The following KCNH7 variants were observed in gnomAD, a reference collection of about 807,000 sequenced individuals.
The protein encoded by KCNH7 is potassium voltage-gated channel subfamily H member 7, also known as voltage-gated inwardly rectifying potassium channel KCNH7.
In KCNH7, 49 loss-of-function variants were observed where a neutral mutation model predicts 120.8. That is an observed-to-expected ratio of 0.41 (90% CI 0.32 to 0.51). KCNH7 has a LOEUF of 0.51. KCNH7 is among the 20% of genes least tolerant of loss of function. The pLI, the probability that KCNH7 is intolerant of heterozygous loss-of-function variation, is 0.38. For synonymous variants in KCNH7, 547 were observed against 516.1 expected (o/e 1.06, Z -0.81); for missense variants, 1,097 against 1,446.6 (o/e 0.76, Z 3.92).
chr2:162,514,933 A>G (rs6727928), intron 4 of KCNH7, among the ~76,000 whole-genome samples: 5,329 of 151,880 alleles, frequency 0.035, 403 homozygotes, highest in Admixed American at 0.18. Context: ...ACAACAACCC[A>G]ACTTCGAAAT....
intron 2 of KCNH7, among the ~76,000 whole-genome samples, chr2:162,688,196 TTA>T (rs561922076): frequency 1.9e-4 from 29 of 152,248 alleles, no homozygotes; most frequent in South Asian, 1.2e-3. Flanking sequence ...AACTCATCCT[TTA>T]GCTGTTAAGA....
At chr2:162,588,569 T>C (rs1236906829) in intron 2 of KCNH7, among the ~76,000 whole-genome samples, 2 of 152,096 alleles carry the variant, frequency 1.3e-5, no homozygotes, top group Non-Finnish European at 2.9e-5. Context: ...ATATTCTAGA[T>C]TCATTTTAAA....
chr2:162,616,668 G>C (rs1280344916), intron 2 of KCNH7, among the ~76,000 whole-genome samples: 2 of 152,114 alleles, frequency 1.3e-5, no homozygotes, highest in Non-Finnish European at 2.9e-5. Flanking sequence ...AACTTGGGTT[G>C]GGTAGCAGGA....
intron 2 of KCNH7, among the ~76,000 whole-genome samples, chr2:162,655,358 A>T (rs565466281): frequency 6.6e-6 from 1 of 152,206 alleles, no homozygotes; most frequent in South Asian, 2.1e-4. Context: ...AAATTTTAAT[A>T]TTTTTAAAGC....
At chr2:162,646,528 C>T (rs1318627792) in intron 2 of KCNH7, among the ~76,000 whole-genome samples, 2 of 152,146 alleles carry the variant, frequency 1.3e-5, no homozygotes, top group African/African-American at 2.4e-5. Flanking sequence ...GCATAGCTAA[C>T]CTTAAGATGA....
chr2:162,481,572 T>C lies in KCNH7; in HGVS notation c.1128+22871A>G, dbSNP rs1905962. Among the ~76,000 whole-genome samples the C allele has an allele frequency of 2.0e-3, 307 of 152,248 alleles. 1 individual carries two copies. Among genetic ancestry groups the C allele is most frequent in the African/African-American group, 7.1e-3 (297 of 41,552 alleles). ...AGTGTCTCCCCATCATTTCCAGACT[T>C]TCCTCATCAGTAAAAAAACGAGAGA... On this transcript the variant is annotated intron_variant, in intron 6 of 15. Transcript: ENST00000332142.
At chr2:162,766,927 T>C (rs1336574421) in intron 2 of KCNH7, among the ~76,000 whole-genome samples, 3 of 151,770 alleles carry the variant, frequency 2.0e-5, no homozygotes, top group Admixed American at 2.0e-4. Flanking sequence ...CATTTTTATT[T>C]CTACACAAAG....
At chr2:162,803,831 G>T (rs1272404166) in intron 2 of KCNH7, among the ~76,000 whole-genome samples, 1 of 151,438 alleles carries the variant, frequency 6.6e-6, no homozygotes, top group Non-Finnish European at 1.5e-5. Context: ...TCTTGTGTTT[G>T]CATTTTTTAC....
At chr2:162,600,800 G>T (rs1225902375) in intron 2 of KCNH7, among the ~76,000 whole-genome samples, 1 of 151,962 alleles carries the variant, frequency 6.6e-6, no homozygotes, top group Non-Finnish European at 1.5e-5. Flanking sequence ...ACTGTAAAAT[G>T]GAAATTTGCC....
intron 2 of KCNH7, among the ~76,000 whole-genome samples, chr2:162,735,801 A>G (rs1167299282): frequency 6.6e-6 from 1 of 152,130 alleles, no homozygotes; most frequent in Non-Finnish European, 1.5e-5. Context: ...CTCTTTCTTT[A>G]TTACAATACT....
chr2:162,374,631 A>G (rs1046280821), intron 14 of KCNH7, among the ~76,000 whole-genome samples: 3 of 152,196 alleles, frequency 2.0e-5, no homozygotes, highest in Non-Finnish European at 4.4e-5. Flanking sequence ...AATTCATGCT[A>G]TATTTGTAGA....
rs575864945 is a variant in KCNH7, at chr2:162,599,992, A to G, written c.308-62912T>C. Among the ~76,000 whole-genome samples the G allele has an allele frequency of 2.0e-5, 3 of 152,082 alleles. No homozygotes were observed. In the South Asian group the frequency reaches 6.2e-4, roughly 32 times the overall value. On this transcript the variant is annotated intron_variant, in intron 2 of 15. Transcript: ENST00000332142. ...CTGCATAGTTGATTGTAGGGAACTCAATTTCATTTGTTTGTAATCATTTTT... is the reference window on the plus strand; with the variant it reads ...CTGCATAGTTGATTGTAGGGAACTCGATTTCATTTGTTTGTAATCATTTTT...
chr2:162,546,577 A>G (rs1226815723), intron 2 of KCNH7, among the ~76,000 whole-genome samples: 2 of 152,120 alleles, frequency 1.3e-5, no homozygotes, highest in Non-Finnish European at 2.9e-5. Flanking sequence ...CCCCGTGTGG[A>G]TGTCATTTCT....
intron 2 of KCNH7, among the ~76,000 whole-genome samples, chr2:162,813,515 C>A (rs1157697012): frequency 6.6e-6 from 1 of 152,178 alleles, no homozygotes; most frequent in East Asian, 1.9e-4. Flanking sequence ...ACTTTACCTT[C>A]ATCATTCATT....
chr2:162,601,651 C>T (rs947179376), intron 2 of KCNH7, among the ~76,000 whole-genome samples: 6 of 151,776 alleles, frequency 4.0e-5, no homozygotes, highest in South Asian at 2.1e-4. Context: ...GTGTACTAAA[C>T]GATGTACTCA....
chr2:162,602,991 T>C (rs1694609063), intron 2 of KCNH7, among the ~76,000 whole-genome samples: 1 of 150,400 alleles, frequency 6.6e-6, no homozygotes, highest in Non-Finnish European at 1.5e-5. Flanking sequence ...TAACATTGAG[T>C]TTAGTTTGGA....
At chr2:162,521,081 G>T (rs1414315725) in intron 3 of KCNH7, among the ~76,000 whole-genome samples, 2 of 151,670 alleles carry the variant, frequency 1.3e-5, no homozygotes, top group African/African-American at 2.4e-5. Flanking sequence ...TTCTGAACAG[G>T]TTACCACCCC....
At chr2:162,702,131 G>C (rs1021238940) in intron 2 of KCNH7, among the ~76,000 whole-genome samples, 3 of 151,782 alleles carry the variant, frequency 2.0e-5, no homozygotes, top group African/African-American at 7.3e-5. Flanking sequence ...CAAAATATTC[G>C]GTCCTTTTAA....
chr2:162,761,663 G>A lies in KCNH7; in HGVS notation c.307+74874C>T, dbSNP rs145330460. Among the ~76,000 whole-genome samples, 204 of 152,196 alleles carry A rather than the reference G, an allele frequency of 1.3e-3. No individual in the cohort carries two copies. The East Asian group carries it at 0.016, about 12-fold the overall frequency. On this transcript the variant is annotated intron_variant, in intron 2 of 15. Transcript: ENST00000332142. ...GATGTCCAAGTCTTAGTGCAACTAA[G>A]TCATAGTGCTCTTATCTAAGTCAGG...
Sources: gnomAD v4.1 joint callset for allele counts (sites outside exome capture counted in the v4.1 genomes callset) on GRCh38, gnomAD v4.1.1 for gene constraint, MANE v1.5 for transcripts, NCBI Gene and HGNC (gene_info 2026-07-23, HGNC 2026-07-21) for gene names.